Variants in SV2A observed in about 807,000 individuals in gnomAD.
SV2A encodes the protein synaptic vesicle glycoprotein 2A, also known as solute carrier family 22 member B1.
In SV2A, 25 loss-of-function variants were observed where a neutral mutation model predicts 78.0. The ratio of observed to expected loss-of-function variants is 0.32; its 90% CI spans 0.23 to 0.45. The LOEUF (loss-of-function observed/expected upper bound fraction) is 0.45, where lower values mean the gene tolerates loss of function less well. Ranked by LOEUF, SV2A falls within the 20% of genes least tolerant of loss-of-function variation. SV2A has a pLI of 1.00. For missense variants in SV2A, 752 were observed against 971.5 expected (o/e 0.77, Z 3.00); for synonymous variants, 355 against 384.7 (o/e 0.92, Z 0.90).
intron 12 of SV2A, 182 bp downstream of exon 12, chr1:149,905,698 C>A (rs750710171): frequency 1.3e-6 from 1 of 792,890 alleles, no homozygotes; most frequent in South Asian, 1.8e-5. Flanking sequence ...CTGCCTCGGC[C>A]TCCCAAAGCA....
In SV2A at chr1:149,904,871, G is replaced by A. The variant is rs1455355310; in HGVS notation, c.*143C>T. ...CCACGGGGTTTACACACATGCACAC[G>A]CACACGCACACACAGCTAAGACACC... On this transcript the variant is annotated 3_prime_UTR_variant, in exon 13 of 13. Coordinates refer to ENST00000369146, the MANE Select transcript of SV2A (RefSeq NM_014849.5). 3.1e-5 allele frequency: 28 copies of A among 895,344 alleles called. 1 individual carries two copies. The highest frequency in any genetic ancestry group is 1.1e-4 in the South Asian group (6 of 55,658). 55.5% of individuals were successfully genotyped at this position (895,344 alleles called of 1,614,324 possible).
chr1:149,911,972 C>CATCATGCCATG lies in SV2A; in HGVS notation c.630_631insCATGGCATGAT (p.Val211HisfsTer9). ...GCTCCCACCATCATGCCCAGGTAGA[C>CATCATGCCATG]GATGAGGCCTGGAAGGAGGAGGAAA... is the stretch of plus-strand genomic sequence containing the variant. On this transcript the variant is annotated frameshift_variant, in exon 3 of 13. Transcript: ENST00000369146. LOFTEE classifies it high-confidence loss of function. 6.2e-7 allele frequency: 1 copy of CATCATGCCATG among 1,613,764 alleles called. No homozygotes were observed. The highest frequency in any genetic ancestry group is 8.5e-7 in the Non-Finnish European group (1 of 1,179,880).
In SV2A at chr1:149,906,408, G is replaced by C. The variant is rs113525813; in HGVS notation, c.1885+242C>G. Among the ~76,000 whole-genome samples the C allele has an allele frequency of 1.6e-3, 248 of 152,220 alleles. 1 individual carries two copies. Among genetic ancestry groups the C allele is most frequent in the Admixed American group, 4.1e-3 (62 of 15,288 alleles). On this transcript the variant is annotated intron_variant, in intron 11 of 12. Transcript: ENST00000369146. Reference sequence around the variant, plus strand: ...GGCCAGAGGCAGGTGGTGGAGCTGAGATTCAAAACCCATAACCTCAAAGCC... The same window carrying C: ...GGCCAGAGGCAGGTGGTGGAGCTGACATTCAAAACCCATAACCTCAAAGCC...
rs2092439075 is a variant in SV2A, at chr1:149,906,513, A to G, written c.1885+137T>C. 6 of 918,068 alleles carry G rather than the reference A, an allele frequency of 6.5e-6. No homozygotes were observed. In the East Asian group the frequency reaches 1.3e-4, roughly 20 times the overall value. The allele number at this position is 918,068 out of a possible 1,614,324, so 56.9% of individuals were successfully genotyped here. A position where few individuals can be genotyped will look rare whatever the true frequency, so the allele number is the denominator to read the frequency against. ...TGTGCCAGTCCCCACCCCATCCTGC[A>G]GCACCCCCTAAACAGAAAACATGAG... On this transcript the variant is annotated intron_variant, in intron 11 of 12. Coordinates refer to ENST00000369146, the MANE Select transcript of SV2A (RefSeq NM_014849.5).
At position 149,913,915 on chromosome 1, in the gene SV2A, A is replaced by G. The variant is rs1553764209; in HGVS notation, c.-75T>C. 1.8e-5 allele frequency: 28 copies of G among 1,518,622 alleles called. No homozygotes were observed. The highest frequency in any genetic ancestry group is 7.0e-6 in the Non-Finnish European group (8 of 1,137,344). The allele number at this position is 1,518,622 out of a possible 1,614,324, so 94.1% of individuals were successfully genotyped here. Reference sequence around the variant, plus strand: ...TTCAGCTTTTTGCTCAAGGACTTGTAGAGTCAAAAAGACCCCTCCCCACAG... The same window carrying G: ...TTCAGCTTTTTGCTCAAGGACTTGTGGAGTCAAAAAGACCCCTCCCCACAG... On this transcript the variant is annotated 5_prime_UTR_variant, in exon 2 of 13. Coordinates refer to ENST00000369146, the MANE Select transcript of SV2A (RefSeq NM_014849.5).
At chr1:149,906,062 C>A (rs1553762696) in intron 11 of SV2A, 23 bp from the exon 12 acceptor site, 4 of 1,613,200 alleles carry the variant, frequency 2.5e-6, no homozygotes, top group Non-Finnish European at 3.4e-6. Context: ...GAGGAGAGAG[C>A]AACATGAGCC....
chr1:149,905,296 G>T, intron 12 of SV2A, 99 bp from the exon 13 acceptor site: 1 of 1,066,182 alleles, frequency 9.4e-7, no homozygotes, highest in Non-Finnish European at 1.4e-6. Context: ...GATGCAGGCA[G>T]TGTCCAAGAG....
intron 12 of SV2A, chr1:149,905,402 G>T: frequency 2.0e-6 from 1 of 497,774 alleles, no homozygotes; most frequent in East Asian, 3.2e-5. Flanking sequence ...AAAAATTGAG[G>T]TTAACAGTTA....
At position 149,905,978 on chromosome 1, in the gene SV2A, C is replaced by T. The variant is rs375329408; in HGVS notation, c.1947G>A (p.Ser649=). The T allele has an allele frequency of 1.2e-5, 19 of 1,614,032 alleles. No individual in the cohort carries two copies. Among genetic ancestry groups the T allele is most frequent in the African/African-American group, 5.3e-5 (4 of 74,906 alleles). ...AAAGGCAGAGCAGAGCGATCATGGC[C>T]GACTCACTGTTCCCAAAAGACAGGA... ...CFFLSFGNSE[S]AMIALLCLFG... The change falls in exon 12 of 13, where the codon TCG becomes TCA. Residue 649 remains serine, a synonymous_variant. Transcript: ENST00000369146.
At position 149,910,193 on chromosome 1, in the gene SV2A, C is replaced by T. The variant is rs1553763483; in HGVS notation, c.1090-303G>A. Among the ~76,000 whole-genome samples the T allele has an allele frequency of 1.3e-5, 2 of 152,066 alleles. No homozygotes were observed. The highest frequency in any genetic ancestry group is 4.8e-5 in the African/African-American group (2 of 41,368). ...CCATAGTACAGAGGAATGTAAAAAC[C>T]AAAGGTAAGGGAAATGATGGGCAAG... On this transcript the variant is annotated intron_variant, in intron 5 of 12. Transcript: ENST00000369146. This position sits in a 1 kb window ranked among gnomAD's most constrained non-coding sequence, Gnocchi z 4.2.
In SV2A at chr1:149,910,346, G is replaced by A. The variant is rs112757147; in HGVS notation, c.1089+224C>T. ...CTGCAAAATCTTAAGTCATCCATGG[G>A]TAAAGAGGTCCCCTGGTTTCTCCAC... On this transcript the variant is annotated intron_variant, in intron 5 of 12. Coordinates refer to ENST00000369146, the MANE Select transcript of SV2A (RefSeq NM_014849.5). This position sits in a 1 kb window ranked among gnomAD's most constrained non-coding sequence, Gnocchi z 4.2. 0.016 allele frequency among the ~76,000 whole-genome samples: 2,419 copies of A among 152,286 alleles called. 55 individuals are homozygous for A. The highest frequency in any genetic ancestry group is 0.052 in the African/African-American group (2,154 of 41,534).
chr1:149,911,766 C>T, intron 3 of SV2A, 34 bp downstream of exon 3: 1 of 1,603,536 alleles, frequency 6.2e-7, no homozygotes, highest in Non-Finnish European at 8.5e-7. Flanking sequence ...AGGCACAGTC[C>T]TGCCCTCAAG....
rs895598709 is a variant in SV2A at position 149,904,905 on chromosome 1, G to A, written c.*109C>T. ...CACACAGCTAAGACACCAAACACGG[G>A]GAGTGGGGAGTGAGGGCTCTGGAGG... On this transcript the variant is annotated 3_prime_UTR_variant, in exon 13 of 13. Transcript: ENST00000369146. The A allele has an allele frequency of 2.4e-6, 3 of 1,228,458 alleles. No homozygotes were observed. The highest frequency in any genetic ancestry group is 2.5e-5 in the Admixed American group (1 of 40,090). The allele number at this position is 1,228,458 out of a possible 1,614,324, so 76.1% of individuals were successfully genotyped here. A position where few individuals can be genotyped will look rare whatever the true frequency, so the allele number is the denominator to read the frequency against.
At position 149,913,510 on chromosome 1, in the gene SV2A, C is replaced by G. The variant is rs782685059; in HGVS notation, c.331G>C (p.Glu111Gln). Residue 111 changes from glutamate (E) to glutamine (Q), a missense_variant, in exon 2 of 13, where the codon GAG becomes CAG. Glu to Gln is a conservative substitution (Grantham distance 29). This residue lies in a region of SV2A where 291 missense variants were observed against 359.5 expected (regional missense o/e 0.81). Coordinates refer to ENST00000369146, the MANE Select transcript of SV2A (RefSeq NM_014849.5). The stretch of plus-strand genomic sequence containing the variant: ...AGGGGCGCCCCATCTGCCATCCGCT[C>G]GCCTTTGCCCCCAGACTCTGCCCGG... ...IPRAESGGKGERMADGAPLAG... is the reference protein window; with the variant it reads ...IPRAESGGKGQRMADGAPLAG... 1.2e-5 allele frequency: 19 copies of G among 1,613,606 alleles called. No individual in the cohort carries two copies. Among genetic ancestry groups the G allele is most frequent in the Non-Finnish European group, 1.5e-5 (18 of 1,179,940 alleles).
At position 149,905,799 on chromosome 1, in the gene SV2A, A is replaced by G. The variant is rs2092433963; in HGVS notation, c.2045+81T>C. 30 of 1,557,474 alleles carry G rather than the reference A, an allele frequency of 1.9e-5. 1 individual carries two copies. The South Asian group carries it at 2.7e-4, about 14-fold the overall frequency. On this transcript the variant is annotated intron_variant, in intron 12 of 12. Transcript: ENST00000369146. ...AATGTATATCCTCTCACCCCTAAGG[A>G]TGCTCTTCCCATTCAGCCCTCCTTC...
At chr1:149,911,352 A>C (rs1173552242) in intron 3 of SV2A, among the ~76,000 whole-genome samples, 1 of 152,246 alleles carries the variant, frequency 6.6e-6, no homozygotes, top group Non-Finnish European at 1.5e-5. Flanking sequence ...GAAGCAGAGT[A>C]AGCGGGCCTG....
intron 2 of SV2A, 82 bp from the exon 3 acceptor site, chr1:149,912,062 G>C: frequency 7.1e-7 from 1 of 1,404,352 alleles, no homozygotes; most frequent in East Asian, 2.5e-5. Context: ...TGAGGGAGCT[G>C]AAGGATCTGA....
At position 149,905,969 on chromosome 1, in the gene SV2A, G is replaced by A. The variant is rs138258149; in HGVS notation, c.1956C>T (p.Ile652=). 1.2e-4 allele frequency: 191 copies of A among 1,614,132 alleles called. No individual in the cohort carries two copies. Among genetic ancestry groups the A allele is most frequent in the African/African-American group, 1.7e-4 (13 of 75,022 alleles). ...CCCCGCCAAAAAGGCAGAGCAGAGC[G>A]ATCATGGCCGACTCACTGTTCCCAA... ...LSFGNSESAM[I]ALLCLFGGVS... The change falls in exon 12 of 13, where the codon ATC becomes ATT. Residue 652 remains isoleucine (I), a synonymous_variant. Transcript: ENST00000369146.
intron 1 of SV2A, among the ~76,000 whole-genome samples, chr1:149,917,154 C>T (rs1217685516): frequency 6.6e-6 from 1 of 151,864 alleles, no homozygotes; most frequent in Non-Finnish European, 1.5e-5. Context: ...CTTCCCCCCA[C>T]CCCGGAGCAA....
Sources: allele counts gnomAD v4.1 joint callset (sites outside exome capture counted in the v4.1 genomes callset), GRCh38; gene constraint gnomAD v4.1.1; regional missense constraint gnomAD v4.1.1; non-coding constraint Gnocchi (gnomAD v3.1); transcripts MANE v1.5; gene names NCBI Gene and HGNC (gene_info 2026-07-23, HGNC 2026-07-21).